UNC5C: variants seen among roughly 807,000 people sequenced by gnomAD.
UNC5C encodes the protein unc-5 netrin receptor C.
A neutral mutation model predicts 99.8 loss-of-function variants in UNC5C; 47 were observed. That is an observed-to-expected ratio of 0.47 (90% CI 0.37 to 0.60). The LOEUF (loss-of-function observed/expected upper bound fraction) is 0.60, where lower values mean the gene tolerates loss of function less well. UNC5C is among the 20% of genes least tolerant of loss of function. UNC5C has a pLI of 0.00. For missense variants in UNC5C, 1,062 were observed against 1,165.9 expected (o/e 0.91, Z 1.30); for synonymous variants, 487 against 452.2 (o/e 1.08, Z -0.98).
At chr4:95,447,001 G>A (rs1158400866) in intron 1 of UNC5C, among the ~76,000 whole-genome samples, 3 of 152,040 alleles carry the variant, frequency 2.0e-5, no homozygotes, top group Non-Finnish European at 4.4e-5. Flanking sequence ...TTCTCTGTTT[G>A]ACCTAATCAG....
At chr4:95,398,184 A>G (rs1321451887) in intron 1 of UNC5C, among the ~76,000 whole-genome samples, 2 of 151,820 alleles carry the variant, frequency 1.3e-5, no homozygotes, top group Non-Finnish European at 2.9e-5. Context: ...CATCCAAACC[A>G]CTTACCTGAT....
intron 1 of UNC5C, among the ~76,000 whole-genome samples, chr4:95,463,850 T>C (rs185148849): frequency 6.6e-6 from 1 of 152,270 alleles, no homozygotes; most frequent in African/African-American, 2.4e-5. Flanking sequence ...CTAGGAACAG[T>C]CTAGAGAGGG....
At chr4:95,199,826 A>G (rs1737583840) in intron 12 of UNC5C, among the ~76,000 whole-genome samples, 1 of 152,170 alleles carries the variant, frequency 6.6e-6, no homozygotes, top group African/African-American at 2.4e-5. Flanking sequence ...TGGCTCCCCT[A>G]CAGATACCAT....
chr4:95,372,595 T>A (rs1187428017), intron 1 of UNC5C, among the ~76,000 whole-genome samples: 2 of 152,240 alleles, frequency 1.3e-5, no homozygotes, highest in Non-Finnish European at 2.9e-5. Flanking sequence ...GGATTTAACA[T>A]CCTGATTTTT....
At chr4:95,219,848 A>T in intron 8 of UNC5C, 137 bp downstream of exon 8, 1 of 853,368 alleles carries the variant, frequency 1.2e-6, no homozygotes, top group South Asian at 1.9e-5. Context: ...ACATCAATAC[A>T]GTAATGAACA....
chr4:95,297,834 C>G (rs1579305231), intron 3 of UNC5C, among the ~76,000 whole-genome samples: 1 of 152,210 alleles, frequency 6.6e-6, no homozygotes, highest in African/African-American at 2.4e-5. Context: ...TGCTTCCAAT[C>G]TACAGTAGCT....
intron 1 of UNC5C, among the ~76,000 whole-genome samples, chr4:95,463,500 C>G (rs1330418784): frequency 6.8e-6 from 1 of 147,528 alleles, no homozygotes; most frequent in African/African-American, 2.7e-5. Context: ...GAAAGCAGAG[C>G]ACAGAGCAGA....
At chr4:95,206,599 A>G in intron 11 of UNC5C, 29 bp downstream of exon 11, 2 of 1,613,622 alleles carry the variant, frequency 1.2e-6, no homozygotes, top group Non-Finnish European at 1.7e-6. Flanking sequence ...TTATTCTTGC[A>G]TAGCATCTTT....
At chr4:95,420,513 T>C (rs1054342997) in intron 1 of UNC5C, among the ~76,000 whole-genome samples, 14 of 152,228 alleles carry the variant, frequency 9.2e-5, no homozygotes, top group Non-Finnish European at 4.4e-5. Context: ...CTATGTTTTA[T>C]TGATGCATAT....
intron 3 of UNC5C, among the ~76,000 whole-genome samples, chr4:95,293,295 CTTTTTTT>C (rs1175837199): frequency 3.5e-5 from 2 of 56,882 alleles, no homozygotes; most frequent in African/African-American, 1.5e-4. Context: ...TAATAGTGAG[CTTTTTTT>C]TTTTTTTTTT....
chr4:95,332,239 C>A (rs929542401), intron 2 of UNC5C, among the ~76,000 whole-genome samples: 1 of 151,660 alleles, frequency 6.6e-6, no homozygotes, highest in Non-Finnish European at 1.5e-5. Flanking sequence ...TCATATTGAA[C>A]CAAAAAAGAG....
At position 95,220,033 on chromosome 4, in the gene UNC5C, C is replaced by G. The variant is rs1738409552; in HGVS notation, c.1252G>C (p.Ala418Pro). 1 of 1,613,950 alleles carries G rather than the reference C, an allele frequency of 6.2e-7. No individual in the cohort carries two copies. Among genetic ancestry groups the G allele is most frequent in the African/African-American group, 1.3e-5 (1 of 74,896 alleles). ...DFESDIIDSS[A>P]LNGGFQPVNI... ...ACAGGCTGAAAGCCCCCATTGAGTG[C>G]CGAAGAGTCAATAATATCTGACTCA... The change falls in exon 8 of 16, where the codon GCA (alanine) becomes CCA (proline). Residue 418 changes from alanine to proline, a missense_variant. Transcript: ENST00000453304.
rs574488914 is a variant in UNC5C, at chr4:95,396,716, T to C, written c.125-61085A>G. 7.9e-5 allele frequency among the ~76,000 whole-genome samples: 12 copies of C among 152,312 alleles called. No individual in the cohort carries two copies. In the South Asian group the frequency reaches 2.1e-3, roughly 26 times the overall value. The stretch of plus-strand genomic sequence containing the variant: ...CCACCCGTGGACCCATCAGCATGCA[T>C]TTCCCCATTCTAAGCCCATAAAAAC... On this transcript the variant is annotated intron_variant, in intron 1 of 15. Transcript: ENST00000453304.
At chr4:95,285,295 C>G (rs983498246) in intron 3 of UNC5C, among the ~76,000 whole-genome samples, 1 of 152,064 alleles carries the variant, frequency 6.6e-6, no homozygotes, top group Admixed American at 6.6e-5. Flanking sequence ...AATGGGTATA[C>G]TTCAATAGAC....
rs370718982 is a variant in UNC5C, at chr4:95,289,040, AG to A, written c.491-10679del. On this transcript the variant is annotated intron_variant, in intron 3 of 15. Coordinates refer to ENST00000453304, the MANE Select transcript of UNC5C (RefSeq NM_003728.4). ...TTTAATCCTAGTTCTGTACTTACTG[AG>A]GTTGCTATGTTTTCATTTCTTCATC... Among the ~76,000 whole-genome samples, 123 of 152,258 alleles carry A rather than the reference AG, an allele frequency of 8.1e-4. 1 individual carries two copies. The East Asian group carries it at 0.014, about 17-fold the overall frequency.
intron 1 of UNC5C, among the ~76,000 whole-genome samples, chr4:95,499,932 A>G (rs1181701645): frequency 6.6e-6 from 1 of 151,402 alleles, no homozygotes; most frequent in Non-Finnish European, 1.5e-5. Context: ...ATCCTAGGCC[A>G]TTCAGTGCAG....
intron 9 of UNC5C, 80 bp from the exon 10 acceptor site, chr4:95,216,291 A>G: frequency 9.6e-7 from 1 of 1,042,462 alleles, no homozygotes; most frequent in Non-Finnish European, 1.4e-6. Context: ...GTGACCGCGC[A>G]GCCATAAGCC....
chr4:95,179,633 G>C (rs1290929523), intron 14 of UNC5C, among the ~76,000 whole-genome samples: 1 of 151,366 alleles, frequency 6.6e-6, no homozygotes, highest in Non-Finnish European at 1.5e-5. Flanking sequence ...TGTGATCCCA[G>C]CTACTCAGGA....
At chr4:95,387,560 G>T (rs568825210) in intron 1 of UNC5C, among the ~76,000 whole-genome samples, 4 of 152,220 alleles carry the variant, frequency 2.6e-5, no homozygotes, top group African/African-American at 9.6e-5. Flanking sequence ...TGTAATAAGG[G>T]CTCTGAAATT....
Sources: gnomAD v4.1 joint callset for allele counts (sites outside exome capture counted in the v4.1 genomes callset) on GRCh38, gnomAD v4.1.1 for gene constraint, MANE v1.5 for transcripts, NCBI Gene and HGNC (gene_info 2026-07-23, HGNC 2026-07-21) for gene names.